ST6GALNAC3: variants seen among roughly 807,000 people sequenced by gnomAD.
The protein encoded by ST6GALNAC3 is ST6 N-acetylgalactosaminide alpha-2,6-sialyltransferase 3, also known as alpha-N-acetylgalactosaminide alpha-2,6-sialyltransferase 3.
A neutral mutation model predicts 32.7 loss-of-function variants in ST6GALNAC3; 25 were observed. The ratio of observed to expected loss-of-function variants is 0.76; its 90% CI spans 0.56 to 1.07. The LOEUF is 1.07. Ranked by LOEUF, ST6GALNAC3 falls within the 50% of genes least tolerant of loss-of-function variation. ST6GALNAC3 has a pLI of 0.00. For synonymous variants in ST6GALNAC3, 129 were observed against 133.1 expected (o/e 0.97, Z 0.21); for missense variants, 355 against 382.4 (o/e 0.93, Z 0.60).
chr1:76,590,512 G>A (rs2100582647), intron 3 of ST6GALNAC3, among the ~76,000 whole-genome samples: 1 of 152,268 alleles, frequency 6.6e-6, no homozygotes, highest in East Asian at 1.9e-4. Flanking sequence ...GATCTTCATG[G>A]TGGAGATTTT....
chr1:76,380,733 A>C (rs1373157295), intron 2 of ST6GALNAC3, among the ~76,000 whole-genome samples: 1 of 152,184 alleles, frequency 6.6e-6, no homozygotes, highest in Non-Finnish European at 1.5e-5. Context: ...GGAGTGTTAC[A>C]TGTATTTAGC....
intron 3 of ST6GALNAC3, among the ~76,000 whole-genome samples, chr1:76,456,622 T>G (rs1351033902): frequency 6.6e-6 from 1 of 152,216 alleles, no homozygotes; most frequent in Non-Finnish European, 1.5e-5. Context: ...TCTCAATAGA[T>G]GCAGAAAAGG....
At chr1:76,179,545 T>C (rs1231045640) in intron 1 of ST6GALNAC3, among the ~76,000 whole-genome samples, 1 of 152,194 alleles carries the variant, frequency 6.6e-6, no homozygotes, top group East Asian at 1.9e-4. Context: ...AACATAGTCA[T>C]GTAATGATCC....
chr1:76,267,474 ACT>A (rs1353953428), intron 1 of ST6GALNAC3, among the ~76,000 whole-genome samples: 4 of 151,772 alleles, frequency 2.6e-5, no homozygotes, highest in African/African-American at 9.7e-5. Context: ...ATCTGCAACC[ACT>A]CTCACTGCAT....
At chr1:76,080,679 A>C (rs750929851) in intron 1 of ST6GALNAC3, among the ~76,000 whole-genome samples, 2 of 151,908 alleles carry the variant, frequency 1.3e-5, no homozygotes, top group Non-Finnish European at 2.9e-5. Flanking sequence ...CAACCAAATG[A>C]TTGTGTGGTT....
At chr1:76,528,382 T>G (rs887844133) in intron 3 of ST6GALNAC3, among the ~76,000 whole-genome samples, 1 of 151,978 alleles carries the variant, frequency 6.6e-6, no homozygotes, top group African/African-American at 2.4e-5. Context: ...CTGCATCAGT[T>G]TGAACCCAGG....
At chr1:76,614,163 C>T (rs1340389112) in intron 3 of ST6GALNAC3, among the ~76,000 whole-genome samples, 1 of 152,194 alleles carries the variant, frequency 6.6e-6, no homozygotes. Flanking sequence ...GATGGGGCAC[C>T]TTTGCCAAAA....
At chr1:76,425,019 A>G (rs1655272832) in intron 3 of ST6GALNAC3, among the ~76,000 whole-genome samples, 5 of 152,024 alleles carry the variant, frequency 3.3e-5, no homozygotes, top group Admixed American at 2.0e-4. Flanking sequence ...TCCCAAAAAT[A>G]CACATCGTTT....
chr1:76,082,104 A>C (rs529444917), intron 1 of ST6GALNAC3, among the ~76,000 whole-genome samples: 3 of 152,258 alleles, frequency 2.0e-5, no homozygotes, highest in African/African-American at 4.8e-5. Context: ...CGACTGAGCG[A>C]AGTTATGAAA....
intron 1 of ST6GALNAC3, among the ~76,000 whole-genome samples, chr1:76,175,744 G>A (rs1652808994): frequency 6.6e-6 from 1 of 152,102 alleles, no homozygotes; most frequent in South Asian, 2.1e-4. Context: ...TCTCTAAGCT[G>A]CAGTACCCCT....
chr1:76,475,735 T>C (rs1220804325), intron 3 of ST6GALNAC3, among the ~76,000 whole-genome samples: 1 of 152,208 alleles, frequency 6.6e-6, no homozygotes, highest in African/African-American at 2.4e-5. Context: ...ATCTCTGGGA[T>C]ACATGTGCAG....
intron 1 of ST6GALNAC3, among the ~76,000 whole-genome samples, chr1:76,259,255 A>G (rs1030126535): frequency 5.9e-5 from 9 of 152,168 alleles, no homozygotes; most frequent in African/African-American, 2.2e-4. Flanking sequence ...GGAAATTTCT[A>G]ATGACAGAAG....
At chr1:76,379,977 T>C (rs754388123) in intron 2 of ST6GALNAC3, among the ~76,000 whole-genome samples, 8 of 152,124 alleles carry the variant, frequency 5.3e-5, no homozygotes, top group Non-Finnish European at 1.0e-4. Flanking sequence ...GTTCCGACAA[T>C]GCACTCCTTT....
intron 3 of ST6GALNAC3, chr1:76,576,832 C>T (rs1162514593): frequency 7.7e-7 from 1 of 1,304,640 alleles, no homozygotes; most frequent in Non-Finnish European, 1.0e-6. Flanking sequence ...CTTCTCCATT[C>T]CCATGATATC....
intron 3 of ST6GALNAC3, among the ~76,000 whole-genome samples, chr1:76,524,125 A>T (rs1485542426): frequency 6.6e-6 from 1 of 152,202 alleles, no homozygotes; most frequent in Non-Finnish European, 1.5e-5. Context: ...CAATCTACTT[A>T]AAACTAATCT....
intron 2 of ST6GALNAC3, among the ~76,000 whole-genome samples, chr1:76,350,894 T>A (rs1648922717): frequency 1.3e-5 from 2 of 152,182 alleles, no homozygotes; most frequent in Admixed American, 1.3e-4. Context: ...ACATCTCAAT[T>A]TTCTGACACA....
At chr1:76,260,303 C>T (rs1000353190) in intron 1 of ST6GALNAC3, among the ~76,000 whole-genome samples, 8 of 152,224 alleles carry the variant, frequency 5.3e-5, no homozygotes, top group Non-Finnish European at 8.8e-5. Context: ...CTAGTACCTT[C>T]CTGGCAGCCT....
chr1:76,533,344 A>G (rs1663378354), intron 3 of ST6GALNAC3, among the ~76,000 whole-genome samples: 1 of 133,048 alleles, frequency 7.5e-6, no homozygotes, highest in African/African-American at 2.8e-5. Flanking sequence ...CCACAAACAA[A>G]CACCACTAAT....
chr1:76,480,551 A>G (rs541029040), intron 3 of ST6GALNAC3, among the ~76,000 whole-genome samples: 1 of 152,240 alleles, frequency 6.6e-6, no homozygotes, highest in South Asian at 2.1e-4. Flanking sequence ...AGTCTCCTGT[A>G]GGGGTACATA....
Sources: allele counts gnomAD v4.1 joint callset (sites outside exome capture counted in the v4.1 genomes callset), GRCh38; gene constraint gnomAD v4.1.1; transcripts MANE v1.5; gene names NCBI Gene and HGNC (gene_info 2026-07-23, HGNC 2026-07-21).